The following TASP1 variants were observed in gnomAD, a reference collection of about 807,000 sequenced individuals.
TASP1 encodes the protein taspase 1.
A neutral mutation model predicts 56.6 loss-of-function variants in TASP1; 16 were observed. That is an observed-to-expected ratio of 0.28 (90% CI 0.19 to 0.43). TASP1 has a LOEUF of 0.43. Ranked by LOEUF, TASP1 falls within the 20% of genes least tolerant of loss-of-function variation. The probability of loss-of-function intolerance (pLI) is 1.00; values close to 1 mark genes in which losing one functional copy is unlikely to be tolerated. For missense variants in TASP1, 393 were observed against 511.6 expected (o/e 0.77, Z 2.24); for synonymous variants, 179 against 184.2 (o/e 0.97, Z 0.23).
At chr20:13,593,545 T>C (rs957763472) in intron 4 of TASP1, among the ~76,000 whole-genome samples, 4 of 152,206 alleles carry the variant, frequency 2.6e-5, no homozygotes, top group African/African-American at 9.6e-5. Context: ...GACCAGGAGA[T>C]TCTCTCCCAT....
chr20:13,237,060 T>C, the TASP1 span, among the ~76,000 whole-genome samples: 1 of 152,176 alleles, frequency 6.6e-6, no homozygotes, highest in Non-Finnish European at 1.5e-5. Flanking sequence ...GGGGCTCCGG[T>C]CCCACATTTC....
chr20:13,185,089 G>C, the TASP1 span, among the ~76,000 whole-genome samples: 1 of 151,016 alleles, frequency 6.6e-6, no homozygotes, highest in African/African-American at 2.4e-5. Context: ...TAAATAAATG[G>C]GCAAAAGACA....
chr20:13,564,439 G>A (rs757914036), intron 7 of TASP1, among the ~76,000 whole-genome samples: 40 of 151,918 alleles, frequency 2.6e-4, no homozygotes, highest in Non-Finnish European at 3.2e-4. Context: ...AATTAAAGAC[G>A]TTAATAATGA....
chr20:13,628,629 C>T (rs1722213426), intron 2 of TASP1, among the ~76,000 whole-genome samples: 1 of 152,170 alleles, frequency 6.6e-6, no homozygotes, highest in Admixed American at 6.5e-5. Flanking sequence ...GGACACCAGT[C>T]TCACAAGAAG....
the TASP1 span, among the ~76,000 whole-genome samples, chr20:13,152,276 A>T: frequency 1.3e-5 from 2 of 152,354 alleles, no homozygotes; most frequent in East Asian, 3.9e-4. Context: ...TCAAGAGCTT[A>T]TAACAGTGGT....
intron 7 of TASP1, among the ~76,000 whole-genome samples, chr20:13,560,771 A>C (rs2046319106): frequency 6.6e-6 from 1 of 152,170 alleles, no homozygotes; most frequent in South Asian, 2.1e-4. Context: ...AAGGAAAAGA[A>C]AGAGAGAAAG....
chr20:13,502,181 G>A (rs2043970874), intron 10 of TASP1, among the ~76,000 whole-genome samples: 1 of 151,858 alleles, frequency 6.6e-6, no homozygotes, highest in South Asian at 2.1e-4. Context: ...GATTATCTGT[G>A]CATCATCTCT....
chr20:13,444,789 A>T (rs1420939183), intron 11 of TASP1, among the ~76,000 whole-genome samples: 5 of 152,188 alleles, frequency 3.3e-5, no homozygotes, highest in Non-Finnish European at 7.3e-5. Context: ...AACCTTAGGC[A>T]TATGGAGGTA....
chr20:13,617,605 T>C (rs1735260259), intron 4 of TASP1, among the ~76,000 whole-genome samples: 1 of 152,156 alleles, frequency 6.6e-6, no homozygotes. Context: ...ACTCTGCTTA[T>C]GAAAATATAA....
the TASP1 span, among the ~76,000 whole-genome samples, chr20:13,199,918 C>G: frequency 2.6e-5 from 4 of 152,202 alleles, no homozygotes; most frequent in African/African-American, 9.7e-5. Context: ...GACTCAATAA[C>G]TTTTCCACTT....
chr20:13,497,735 A>C (rs1183501204), intron 10 of TASP1, among the ~76,000 whole-genome samples: 1 of 152,192 alleles, frequency 6.6e-6, no homozygotes, highest in Non-Finnish European at 1.5e-5. Context: ...ACTTTAAATT[A>C]TACTACAAAG....
At chr20:13,456,071 A>G (rs1474073294) in intron 11 of TASP1, among the ~76,000 whole-genome samples, 2 of 152,158 alleles carry the variant, frequency 1.3e-5, no homozygotes, top group African/African-American at 4.8e-5. Flanking sequence ...CAGATGAAAC[A>G]TGGCTTTACT....
the TASP1 span, among the ~76,000 whole-genome samples, chr20:13,318,480 T>C: frequency 6.6e-6 from 1 of 152,172 alleles, no homozygotes; most frequent in East Asian, 1.9e-4. Context: ...CTGCTTGGTA[T>C]TTACCCAAAA....
chr20:13,611,388 C>A (rs1329015440), intron 4 of TASP1, among the ~76,000 whole-genome samples: 2 of 152,080 alleles, frequency 1.3e-5, no homozygotes, highest in Non-Finnish European at 1.5e-5. Flanking sequence ...AGCTTCAGGT[C>A]AAAAATTTTA....
chr20:13,484,733 CAAAAAA>C (rs34720600), intron 10 of TASP1, among the ~76,000 whole-genome samples: 51 of 81,162 alleles, frequency 6.3e-4, no homozygotes, highest in African/African-American at 2.2e-3. Context: ...CAAGATTTCT[CAAAAAA>C]AAAAAAAAAA....
At chr20:13,302,463 G>A in the TASP1 span, among the ~76,000 whole-genome samples, 1 of 152,194 alleles carries the variant, frequency 6.6e-6, no homozygotes, top group Non-Finnish European at 1.5e-5. Flanking sequence ...TGCCTAGGTT[G>A]TCTAATAAGA....
intron 8 of TASP1, among the ~76,000 whole-genome samples, chr20:13,539,190 C>T (rs6109935): frequency 0.6 from 91,799 of 152,038 alleles, 28,518 homozygotes; most frequent in Non-Finnish European, 0.68. Context: ...ATACTATTAA[C>T]GATGTTTCTT....
chr20:13,105,267 GA>G, the TASP1 span, among the ~76,000 whole-genome samples: 17 of 149,562 alleles, frequency 1.1e-4, no homozygotes, highest in Admixed American at 8.7e-4. Context: ...CCTGCAGGAG[GA>G]AAAAAAAAAT....
At chr20:13,391,829 G>A (rs1014021838) in intron 13 of TASP1, among the ~76,000 whole-genome samples, 4 of 151,902 alleles carry the variant, frequency 2.6e-5, no homozygotes, top group African/African-American at 7.3e-5. Flanking sequence ...TTAGCCAGGC[G>A]TGGTGGCAGG....
Sources: allele counts gnomAD v4.1 joint callset (sites outside exome capture counted in the v4.1 genomes callset), GRCh38; gene constraint gnomAD v4.1.1; transcripts MANE v1.5; gene names NCBI Gene and HGNC (gene_info 2026-07-23, HGNC 2026-07-21).